Variants in RTN4 observed in about 807,000 individuals in gnomAD.
The protein encoded by RTN4 is reticulon 4, also known as reticulon-4.
In RTN4, 32 loss-of-function variants were observed where a neutral mutation model predicts 90.4. The ratio of observed to expected loss-of-function variants is 0.35; its 90% CI spans 0.27 to 0.48. The LOEUF (loss-of-function observed/expected upper bound fraction) is 0.48, where lower values mean the gene tolerates loss of function less well. Among genes scored for constraint, RTN4 ranks in the 20% least tolerant of loss-of-function variants. The probability of loss-of-function intolerance (pLI) is 0.99; values close to 1 mark genes in which losing one functional copy is unlikely to be tolerated. For missense variants in RTN4, 1,706 were observed against 1,430.2 expected (o/e 1.19, Z -3.11); for synonymous variants, 629 against 552.5 (o/e 1.14, Z -1.94).
chr2:55,094,999 A>T (rs1669005328), intron 1 of RTN4, among the ~76,000 whole-genome samples: 1 of 152,128 alleles, frequency 6.6e-6, no homozygotes, highest in Non-Finnish European at 1.5e-5. Context: ...TATTATCGCC[A>T]TACTCCATCC....
At chr2:55,081,349 T>C (rs944225125) in intron 1 of RTN4, among the ~76,000 whole-genome samples, 2 of 152,064 alleles carry the variant, frequency 1.3e-5, no homozygotes, top group African/African-American at 4.8e-5. Context: ...AGTGCTGGGA[T>C]TACAGGTATG....
At chr2:54,991,595 C>T (rs1251193596) in intron 3 of RTN4, among the ~76,000 whole-genome samples, 1 of 152,186 alleles carries the variant, frequency 6.6e-6, no homozygotes, top group East Asian at 1.9e-4. Flanking sequence ...ACAGTCAGTA[C>T]AAAGATACAC....
intron 3 of RTN4, among the ~76,000 whole-genome samples, chr2:55,002,077 A>C (rs1400160215): frequency 2.0e-5 from 3 of 152,008 alleles, no homozygotes; most frequent in Non-Finnish European, 4.4e-5. Context: ...TTATTTATTT[A>C]AGACAGTGTC....
At chr2:55,116,365 T>C (rs1486578011), upstream of RTN4, among the ~76,000 whole-genome samples, 2 of 152,158 alleles carry the variant, frequency 1.3e-5, no homozygotes, top group Non-Finnish European at 2.9e-5. Flanking sequence ...CTTCAAATGA[T>C]GATAAAAATA....
intron 5 of RTN4, among the ~76,000 whole-genome samples, chr2:54,978,361 C>CA (rs1336460341): frequency 2.2e-5 from 3 of 138,320 alleles, no homozygotes; most frequent in African/African-American, 8.1e-5. Flanking sequence ...ACCTGGAAGG[C>CA]AAAGGTTGCA....
chr2:54,989,690 C>T (rs146152134), intron 3 of RTN4, among the ~76,000 whole-genome samples: 1 of 152,160 alleles, frequency 6.6e-6, no homozygotes, highest in Non-Finnish European at 1.5e-5. Flanking sequence ...CATATAAAAG[C>T]AAGTCAATGA....
In RTN4 at chr2:55,026,638, A is replaced by G; in HGVS notation, c.1461T>C (p.Thr487=). 2 of 1,613,068 alleles carry G rather than the reference A, an allele frequency of 1.2e-6. No homozygotes were observed. The highest frequency in any genetic ancestry group is 4.5e-5 in the East Asian group (2 of 44,864). ...TNIFPLLGDP[T]SENKTDEKKI... ...TTTTTTCATCGGTCTTATTTTCTGA[A>G]GTAGGATCTCCTAACAAAGGAAAAA... is the stretch of plus-strand genomic sequence containing the variant. Residue 487 remains threonine (T), a synonymous_variant, in exon 3 of 9, where the codon ACT becomes ACC. Coordinates refer to ENST00000337526, the MANE Select transcript of RTN4 (RefSeq NM_020532.5).
Position 55,012,550 on chromosome 2 carries a change from A to C in RTN4, c.3013+12536T>G, listed in dbSNP as rs548321688. 4.3e-4 allele frequency among the ~76,000 whole-genome samples: 65 copies of C among 152,346 alleles called. 1 individual carries two copies. Among genetic ancestry groups the C allele is most frequent in the Admixed American group, 4.1e-3 (62 of 15,300 alleles). ...AAACTGATATGACACAAATTTGTTA[A>C]AGATGTAAAGCCAGATGGGCTATGT... On this transcript the variant is annotated intron_variant, in intron 3 of 8. Coordinates refer to ENST00000337526, the MANE Select transcript of RTN4 (RefSeq NM_020532.5).
At chr2:55,129,799 G>A in the RTN4 span, among the ~76,000 whole-genome samples, 1 of 152,102 alleles carries the variant, frequency 6.6e-6, no homozygotes, top group Admixed American at 6.6e-5. Flanking sequence ...CTGACCTCGT[G>A]ATCCACCTGC....
chr2:55,062,209 T>C, intron 2 of RTN4, among the ~76,000 whole-genome samples: 1 of 151,920 alleles, frequency 6.6e-6, no homozygotes, highest in East Asian at 1.9e-4. Context: ...AATAAAACCT[T>C]GCACTCATTC....
At chr2:55,017,106 T>C (rs1287793081) in intron 3 of RTN4, among the ~76,000 whole-genome samples, 2 of 152,282 alleles carry the variant, frequency 1.3e-5, no homozygotes, top group African/African-American at 2.4e-5. Context: ...TTTAGCTACA[T>C]TGTACATCTA....
At chr2:55,076,486 G>A (rs921587161) in intron 2 of RTN4, among the ~76,000 whole-genome samples, 4 of 131,102 alleles carry the variant, frequency 3.1e-5, no homozygotes, top group Admixed American at 1.9e-4. Flanking sequence ...TGCAACCTCC[G>A]CTTCCCAGGT....
the RTN4 span, among the ~76,000 whole-genome samples, chr2:55,125,681 G>T: frequency 6.6e-6 from 1 of 152,102 alleles, no homozygotes; most frequent in Admixed American, 6.5e-5. Flanking sequence ...TGGCAGAATC[G>T]TTTGAACTCA....
chr2:55,049,262 G>GA, intron 1 of RTN4: 1 of 730,454 alleles, frequency 1.4e-6, no homozygotes, highest in African/African-American at 1.9e-5. Flanking sequence ...GCCCGGGGCA[G>GA]AATGCAGGCC....
intron 4 of RTN4, among the ~76,000 whole-genome samples, chr2:54,983,768 T>C (rs1678333644): frequency 6.6e-6 from 1 of 152,230 alleles, no homozygotes; most frequent in South Asian, 2.1e-4. Context: ...TAGATAGTGC[T>C]GTCTAGGCTG....
In RTN4 at chr2:55,010,231, C is replaced by T. The variant is rs73936804; in HGVS notation, c.3013+14855G>A. ...GACATGAAATACCCGTTTCCTCAAC[C>T]GAAGTCTGCAGTCTCCTCTGCTGCA... On this transcript the variant is annotated intron_variant, in intron 3 of 8. Transcript: ENST00000337526. 1,200 of 1,577,712 alleles carry T rather than the reference C, an allele frequency of 7.6e-4. 6 individuals carry two copies. The African/African-American group carries it at 0.015, about 20-fold the overall frequency.
chr2:54,985,007 A>C (rs534276267), intron 4 of RTN4, among the ~76,000 whole-genome samples: 1 of 152,314 alleles, frequency 6.6e-6, no homozygotes, highest in South Asian at 2.1e-4. Context: ...TATTTTCCAA[A>C]AACCTCAAAA....
chr2:55,014,958 T>C (rs1333412055), intron 3 of RTN4, among the ~76,000 whole-genome samples: 2 of 152,218 alleles, frequency 1.3e-5, no homozygotes, highest in African/African-American at 4.8e-5. Context: ...TATAGTAGTA[T>C]GATTAAAGCA....
rs200491416 is a variant in RTN4, at chr2:55,025,070, A to G, written c.3013+16T>C. On this transcript the variant is annotated intron_variant, in intron 3 of 8. Coordinates refer to ENST00000337526, the MANE Select transcript of RTN4 (RefSeq NM_020532.5). ...AAGTGGCATGAAAGCACAAAACTGC[A>G]TATAGATTGGATTACCTGAAGTTTT... The G allele has an allele frequency of 6.3e-7, 1 of 1,580,412 alleles. No homozygotes were observed. Among genetic ancestry groups the G allele is most frequent in the Non-Finnish European group, 8.6e-7 (1 of 1,164,942 alleles).
Sources: gnomAD v4.1 joint callset for allele counts (sites outside exome capture counted in the v4.1 genomes callset) on GRCh38, gnomAD v4.1.1 for gene constraint, MANE v1.5 for transcripts, NCBI Gene and HGNC (gene_info 2026-07-23, HGNC 2026-07-21) for gene names.